CCDC144A: variants seen among roughly 807,000 people sequenced by gnomAD.
CCDC144A encodes coiled-coil domain-containing protein 144A.
In CCDC144A, 41 loss-of-function variants were observed where a neutral mutation model predicts 143.8. That is an observed-to-expected ratio of 0.29 (90% confidence interval 0.22 to 0.37). The LOEUF (loss-of-function observed/expected upper bound fraction) is 0.37. Among genes scored for constraint, CCDC144A ranks in the 10% least tolerant of loss-of-function variants. The pLI, the probability that CCDC144A is intolerant of heterozygous loss-of-function variation, is 1.00. For synonymous variants in CCDC144A, 242 were observed against 517.9 expected, an observed-to-expected ratio of 0.47 and a Z score of 7.23; for missense variants, 637 against 1,488.8, an observed-to-expected ratio of 0.43 and a Z score of 9.41.
chr17:16,668,319 T>C, the CCDC144A span, among the ~76,000 whole-genome samples: 1 of 152,220 alleles, frequency 6.6e-6, no homozygotes, highest in Non-Finnish European at 1.5e-5. Context: ...TTTAATTAAA[T>C]ATACTTTAGT....
At chr17:16,748,050 T>G (rs1298251380) in intron 12 of CCDC144A, among the ~76,000 whole-genome samples, 1 of 152,198 alleles carries the variant, frequency 6.6e-6, no homozygotes, top group Non-Finnish European at 1.5e-5. Context: ...TTTAATTTTT[T>G]TCTTTACTAT....
the CCDC144A span, among the ~76,000 whole-genome samples, chr17:16,674,175 A>C: frequency 6.6e-6 from 1 of 151,910 alleles, no homozygotes; most frequent in Non-Finnish European, 1.5e-5. Context: ...GCACTTTGGG[A>C]GGCTGAGGTG....
rs374867098 is a variant in CCDC144A at position 16,709,599 on chromosome 17, G to T, written c.1542G>T (p.Leu514=). The part of the protein sequence containing the change: ...NEVNTLEEEF[L]ALKKEDVQLH... ...TCAACACATTAGAAGAAGAGTTCCT[G>T]GCTTTGAAGAAAGAAGATGTTCAAC... The change falls in exon 5 of 17, where the codon CTG becomes CTT. Residue 514 remains leucine, a synonymous_variant. Transcript: ENST00000399273. 67 of 1,611,484 alleles carry T rather than the reference G, an allele frequency of 4.2e-5. No homozygotes were observed. The African/African-American group carries it at 7.6e-4, about 18-fold the overall frequency.
intron 12 of CCDC144A, among the ~76,000 whole-genome samples, chr17:16,756,377 C>T (rs1024856224): frequency 1.3e-5 from 2 of 152,062 alleles, no homozygotes; most frequent in African/African-American, 2.4e-5. Flanking sequence ...ATTCATTCTT[C>T]TCCTTGATCT....
At chr17:16,668,467 T>C in the CCDC144A span, among the ~76,000 whole-genome samples, 3 of 152,252 alleles carry the variant, frequency 2.0e-5, no homozygotes, top group Admixed American at 6.5e-5. Context: ...TACTTCGTTA[T>C]GAAGATTCAA....
At chr17:16,678,794 G>A in the CCDC144A span, among the ~76,000 whole-genome samples, 130 of 132,488 alleles carry the variant, frequency 9.8e-4, 1 homozygote, top group Non-Finnish European at 1.5e-3. Flanking sequence ...TGCTCTTGTC[G>A]CCCAGGCTGG....
rs1597602996 is a variant in CCDC144A, at chr17:16,776,517, T to C, written c.*2884T>C. On this transcript the variant is annotated 3_prime_UTR_variant, in exon 17 of 17. Coordinates refer to ENST00000399273, the MANE Select transcript of CCDC144A (RefSeq NM_001382000.1). ...TCTCTCGGCTTGCCTGTTGTTGGTGTATAGGAATGCTAGTGACTTTTGCAC... is the reference window on the plus strand; with the variant it reads ...TCTCTCGGCTTGCCTGTTGTTGGTGCATAGGAATGCTAGTGACTTTTGCAC... The C allele has an allele frequency of 1.3e-5, 2 of 152,256 alleles. No individual in the cohort carries two copies. Among genetic ancestry groups the C allele is most frequent in the Non-Finnish European group, 1.5e-5 (1 of 68,062 alleles). 9.4% of individuals were successfully genotyped at this position (152,256 alleles called of 1,614,324 possible). A position where few individuals can be genotyped will look rare whatever the true frequency, so the allele number is the denominator to read the frequency against.
intron 12 of CCDC144A, among the ~76,000 whole-genome samples, chr17:16,738,580 A>C (rs1914126240): frequency 6.6e-6 from 1 of 151,998 alleles, no homozygotes; most frequent in Non-Finnish European, 1.5e-5. Flanking sequence ...TACTTAGCAT[A>C]ACATTTTTAA....
At chr17:16,772,814 G>A in intron 16 of CCDC144A, 1 of 1,304,908 alleles carries the variant, frequency 7.7e-7, no homozygotes, top group East Asian at 2.6e-5. Flanking sequence ...TACCTGTCAG[G>A]GTATCTATGA....
chr17:16,756,197 T>C (rs1370693135), intron 12 of CCDC144A, among the ~76,000 whole-genome samples: 2 of 152,278 alleles, frequency 1.3e-5, no homozygotes, highest in African/African-American at 4.8e-5. Context: ...ATAGGTTTTC[T>C]GTGCCTTTTC....
intron 4 of CCDC144A, 79 bp from the exon 5 acceptor site, chr17:16,708,717 T>G: frequency 6.3e-7 from 1 of 1,586,932 alleles, no homozygotes; most frequent in Non-Finnish European, 8.6e-7. Context: ...ACAAAGCTAT[T>G]TTTAAAACAT....
chr17:16,717,492 A>G (rs1236319318), intron 6 of CCDC144A, among the ~76,000 whole-genome samples: 3 of 152,078 alleles, frequency 2.0e-5, no homozygotes, highest in South Asian at 4.2e-4. Context: ...TTCCTAGGAA[A>G]CACCTAGACT....
At chr17:16,710,571 C>T (rs1912349929) in intron 5 of CCDC144A, among the ~76,000 whole-genome samples, 1 of 152,026 alleles carries the variant, frequency 6.6e-6, no homozygotes, top group Non-Finnish European at 1.5e-5. Context: ...AATATAACTA[C>T]TCTCCACTGT....
intron 6 of CCDC144A, among the ~76,000 whole-genome samples, chr17:16,718,083 A>G (rs1912875891): frequency 6.6e-6 from 1 of 152,030 alleles, no homozygotes; most frequent in Non-Finnish European, 1.5e-5. Context: ...TTTTCTGGAA[A>G]TAGAAAATAG....
upstream of CCDC144A, among the ~76,000 whole-genome samples, chr17:16,686,791 AAAG>A (rs1910801771): frequency 6.7e-6 from 1 of 149,444 alleles, no homozygotes. Flanking sequence ...CACACAAAGA[AAAG>A]AAATACAGGC....
In CCDC144A at chr17:16,690,299, C is replaced by T. The variant is rs1910968051; in HGVS notation, c.-102C>T. On this transcript the variant is annotated 5_prime_UTR_variant, in exon 1 of 17. Transcript: ENST00000399273. ...TCGCTTGGCTTGGCGTGGCAGTGATCGCTTGGCTTGGCATTTCTGGCTTGG... is the reference window on the plus strand; with the variant it reads ...TCGCTTGGCTTGGCGTGGCAGTGATTGCTTGGCTTGGCATTTCTGGCTTGG... 3.6e-5 allele frequency: 32 copies of T among 899,864 alleles called. No individual in the cohort carries two copies. The South Asian group carries it at 6.2e-4, about 17-fold the overall frequency. The allele number at this position is 899,864 out of a possible 1,614,324, so 55.7% of individuals were successfully genotyped here. A position where few individuals can be genotyped will look rare whatever the true frequency, so the allele number is the denominator to read the frequency against.
In CCDC144A at chr17:16,690,381, G is replaced by A. The variant is rs200340971; in HGVS notation, c.-20G>A. On this transcript the variant is annotated 5_prime_UTR_variant, in exon 1 of 17. Transcript: ENST00000399273. ...GCTATCCTGCTGGGAGGTTGTGGCC[G>A]AGGCAGTAGCTCGCTACTGATGGCC... 5.2e-5 allele frequency: 78 copies of A among 1,491,696 alleles called. No homozygotes were observed. Among genetic ancestry groups the A allele is most frequent in the Middle Eastern group, 2.5e-4 (1 of 4,068 alleles). The allele number at this position is 1,491,696 out of a possible 1,614,324, so 92.4% of individuals were successfully genotyped here. A position where few individuals can be genotyped will look rare whatever the true frequency, so the allele number is the denominator to read the frequency against.
intron 12 of CCDC144A, among the ~76,000 whole-genome samples, chr17:16,756,319 C>G (rs1187119018): frequency 2.6e-5 from 4 of 151,970 alleles, no homozygotes; most frequent in Non-Finnish European, 4.4e-5. Flanking sequence ...TTTATTTTTG[C>G]TTTTTGTTTG....
At chr17:16,736,609 T>A (rs1425189494) in intron 12 of CCDC144A, among the ~76,000 whole-genome samples, 1 of 152,098 alleles carries the variant, frequency 6.6e-6, no homozygotes, top group African/African-American at 2.4e-5. Context: ...TAACTGTGGC[T>A]ATCTGTGATT....
Sources: gnomAD v4.1 joint callset for allele counts (sites outside exome capture counted in the v4.1 genomes callset) on GRCh38, gnomAD v4.1.1 for gene constraint, MANE v1.5 for transcripts, NCBI Gene and HGNC (gene_info 2026-07-23, HGNC 2026-07-21) for gene names.